The following PHEX variants were observed in gnomAD, a reference collection of about 807,000 sequenced individuals.
The protein encoded by PHEX is phosphate-regulating neutral endopeptidase PHEX.
Under a neutral mutation model 68.0 loss-of-function variants are expected in PHEX, and 16 were observed. The observed-to-expected ratio is 0.24, with a 90% CI of 0.16 to 0.36. The LOEUF (loss-of-function observed/expected upper bound fraction) is 0.36. Among genes scored for constraint, PHEX ranks in the 10% least tolerant of loss-of-function variants. The pLI is 1.00. For synonymous variants in PHEX, 208 were observed against 205.1 expected (o/e 1.01, Z -0.12); for missense variants, 480 against 575.5 (o/e 0.83, Z 1.70).
At chrX:22,181,050 T>C (rs995200596) in intron 14 of PHEX, among the ~76,000 whole-genome samples, 2 of 112,153 alleles carry the variant, frequency 1.8e-5, no homozygotes, top group African/African-American at 6.5e-5. Flanking sequence ...TGTGAACAGT[T>C]CTACAATAAA....
intron 3 of PHEX, among the ~76,000 whole-genome samples, chrX:22,061,703 C>T (rs1175573317): frequency 9.0e-6 from 1 of 111,347 alleles, no homozygotes; most frequent in African/African-American, 3.3e-5. Context: ...CAAGGTCACA[C>T]GGCTGATATG....
chrX:22,112,401 C>T (rs1045336492), intron 10 of PHEX, among the ~76,000 whole-genome samples: 2 of 111,869 alleles, frequency 1.8e-5, no homozygotes, highest in Admixed American at 9.6e-5. Context: ...CACTAGAGGC[C>T]GTAAGGATTT....
At chrX:22,054,551 C>A (rs1418656500) in intron 3 of PHEX, among the ~76,000 whole-genome samples, 1 of 111,712 alleles carries the variant, frequency 9.0e-6, no homozygotes, top group Non-Finnish European at 1.9e-5. Flanking sequence ...AGTGAAAACT[C>A]AGCTTCTGTA....
At chrX:22,242,852 G>T (rs995286425) in intron 20 of PHEX, among the ~76,000 whole-genome samples, 1 of 111,893 alleles carries the variant, frequency 8.9e-6, no homozygotes, top group African/African-American at 3.3e-5. Flanking sequence ...TGGCCATACT[G>T]CTCAAGGTAA....
At chrX:22,193,210 A>G (rs1422376752) in intron 15 of PHEX, among the ~76,000 whole-genome samples, 1 of 111,389 alleles carries the variant, frequency 9.0e-6, no homozygotes, top group Non-Finnish European at 1.9e-5. Flanking sequence ...CATTTAGGAC[A>G]TTCTATTGGG....
In PHEX at chrX:22,249,469, T is replaced by A. The variant is rs1359456224; in HGVS notation, c.*1516T>A. The A allele has an allele frequency of 7.5e-4, 61 of 81,208 alleles. No individual in the cohort carries two copies. Among genetic ancestry groups the A allele is most frequent in the African/African-American group, 9.2e-4 (17 of 18,425 alleles). The allele number at this position is 81,208 out of a possible 1,213,427, so 6.7% of individuals were successfully genotyped here. On this transcript the variant is annotated 3_prime_UTR_variant, in exon 22 of 22. Coordinates refer to ENST00000379374, the MANE Select transcript of PHEX (RefSeq NM_000444.6). ...AAAAAAAAAAAAATATATATATATA[T>A]ATATATATATATATATATGTATATC...
intron 9 of PHEX, among the ~76,000 whole-genome samples, chrX:22,101,972 G>A (rs939417734): frequency 2.0e-4 from 22 of 110,967 alleles, no homozygotes; most frequent in African/African-American, 6.5e-4. Context: ...AATTTTTGTG[G>A]GCACAGGACA....
intron 12 of PHEX, among the ~76,000 whole-genome samples, chrX:22,161,635 T>C (rs1229798044): frequency 8.9e-6 from 1 of 112,256 alleles, no homozygotes; most frequent in African/African-American, 3.2e-5. Context: ...GGTCACTTGC[T>C]ATGTTACCTG....
chrX:22,147,667 G>C (rs1330216835), intron 12 of PHEX, among the ~76,000 whole-genome samples: 1 of 111,042 alleles, frequency 9.0e-6, no homozygotes, highest in Admixed American at 9.7e-5. Context: ...ACCAAGAGAA[G>C]AAAGGGTGAA....
chrX:22,221,509 G>A (rs1935266019), intron 17 of PHEX, 104 bp from the exon 18 acceptor site: 2 of 674,470 alleles, frequency 3.0e-6, no homozygotes, highest in East Asian at 3.3e-5. Flanking sequence ...AGTGTTCCCT[G>A]CTGTTATGAC....
chrX:22,201,454 C>T (rs751649047), intron 15 of PHEX, among the ~76,000 whole-genome samples: 13 of 111,359 alleles, frequency 1.2e-4, no homozygotes, highest in East Asian at 5.6e-4. Flanking sequence ...CAAAGTTCTG[C>T]GATTACAGGT....
In PHEX at chrX:22,039,978, A is replaced by T. The variant is rs979346380; in HGVS notation, c.187+1441A>T. ...ACAAACCTGCAGGTGGCTGGGTCAC[A>T]GAGTGGTCAGGGGATTGTGTAATTT... On this transcript the variant is annotated intron_variant, in intron 2 of 21. Coordinates refer to ENST00000379374, the MANE Select transcript of PHEX (RefSeq NM_000444.6). Among the ~76,000 whole-genome samples the T allele has an allele frequency of 2.7e-5, 3 of 111,567 alleles. No individual in the cohort carries two copies. The Admixed American group carries it at 2.8e-4, about 11-fold the overall frequency.
chrX:22,035,849 T>C (rs1376568714), intron 1 of PHEX, among the ~76,000 whole-genome samples: 1 of 109,039 alleles, frequency 9.2e-6, no homozygotes, highest in African/African-American at 3.3e-5. Flanking sequence ...AAATATTTTC[T>C]TTATTGTCTC....
intron 9 of PHEX, among the ~76,000 whole-genome samples, chrX:22,105,707 C>T (rs993921393): frequency 8.9e-6 from 1 of 111,742 alleles, no homozygotes; most frequent in East Asian, 2.8e-4. Flanking sequence ...CCTTTGTTTT[C>T]TTCACCTGAA....
intron 2 of PHEX, among the ~76,000 whole-genome samples, chrX:22,041,122 T>C (rs915985093): frequency 2.2e-4 from 24 of 108,826 alleles, no homozygotes; most frequent in Non-Finnish European, 4.2e-4. Flanking sequence ...TGGGCAGTGG[T>C]GTTTATTGAG....
chrX:22,038,848 T>C (rs1927143965), intron 2 of PHEX, among the ~76,000 whole-genome samples: 1 of 111,722 alleles, frequency 9.0e-6, no homozygotes, highest in African/African-American at 3.3e-5. Context: ...TTCCTATGGC[T>C]CCGCTGGCTA....
intron 3 of PHEX, among the ~76,000 whole-genome samples, chrX:22,059,106 T>C (rs12556840): frequency 0.28 from 31,209 of 110,849 alleles, 3,513 homozygotes; most frequent in African/African-American, 0.41. Flanking sequence ...TGCACAGCCC[T>C]CATTTCCCTT....
chrX:22,036,856 G>A (rs1354482099), intron 1 of PHEX, among the ~76,000 whole-genome samples: 2 of 109,105 alleles, frequency 1.8e-5, no homozygotes, highest in Non-Finnish European at 3.8e-5. Context: ...CCAGCACTTT[G>A]GGAGGTCGAG....
At chrX:22,237,562 A>G (rs1241277407) in intron 20 of PHEX, among the ~76,000 whole-genome samples, 3 of 111,778 alleles carry the variant, frequency 2.7e-5, no homozygotes, top group African/African-American at 6.5e-5. Context: ...TCCTTCCACT[A>G]TACACCCCTG....
Sources: gnomAD v4.1 joint callset for allele counts (sites outside exome capture counted in the v4.1 genomes callset) on GRCh38, gnomAD v4.1.1 for gene constraint, MANE v1.5 for transcripts, NCBI Gene and HGNC (gene_info 2026-07-23, HGNC 2026-07-21) for gene names.